The following KIF2C variants were observed in gnomAD, a reference collection of about 807,000 sequenced individuals.
KIF2C encodes the protein kinesin-like protein KIF2C.
Under a neutral mutation model 97.4 loss-of-function variants are expected in KIF2C, and 34 were observed. That is an observed-to-expected ratio of 0.35 (90% CI 0.27 to 0.46). KIF2C has a LOEUF of 0.46. KIF2C is among the 20% of genes least tolerant of loss of function. The probability of loss-of-function intolerance (pLI) is 1.00; values close to 1 mark genes in which losing one functional copy is unlikely to be tolerated. For synonymous variants in KIF2C, 313 were observed against 318.2 expected, an observed-to-expected ratio of 0.98 and a Z score of 0.17; for missense variants, 750 against 907.6, an observed-to-expected ratio of 0.83 and a Z score of 2.23.
In KIF2C at chr1:44,757,959, T is replaced by A. The variant is rs548446287; in HGVS notation, c.1120T>A (p.Tyr374Asn). The stretch of plus-strand genomic sequence containing the variant: ...AGCCCAGAATGCATCCAAAGGGATC[T>A]ATGCCATGGCCTGTAAGTACTGTGT... ...GKAQNASKGIYAMASRDVFLL... is the reference protein window; with the variant it reads ...GKAQNASKGINAMASRDVFLL... Residue 374 changes from tyrosine to asparagine, a missense_variant, in exon 12 of 21, where the codon TAT becomes AAT. By Grantham distance (143) the Tyr-to-Asn change is moderately radical. Coordinates refer to ENST00000372224, the MANE Select transcript of KIF2C (RefSeq NM_006845.4). 1.9e-6 allele frequency: 3 copies of A among 1,614,234 alleles called. No individual in the cohort carries two copies. The African/African-American group carries it at 4.0e-5, about 22-fold the overall frequency.
chr1:44,746,631 G>C, intron 2 of KIF2C: 2 of 1,499,574 alleles, frequency 1.3e-6, no homozygotes, highest in Non-Finnish European at 1.8e-6. Context: ...CAGCAGGGGA[G>C]CCAAGTGGCC....
chr1:44,752,593 TATCAAATTCAGCTCTAATACGATGAAGG>T (rs1241932635), intron 5 of KIF2C, among the ~76,000 whole-genome samples: 1 of 152,256 alleles, frequency 6.6e-6, no homozygotes, highest in Non-Finnish European at 1.5e-5. Context: ...ACTTTACATA[TATCAAATTCAGCTCTAATACGATGAAGG>T]TAAATGAATG....
At chr1:44,753,958 CTTTTTTTTTTTTTTT>C (rs34685023) in intron 7 of KIF2C, 125 bp downstream of exon 7, 16 of 67,918 alleles carry the variant, frequency 2.4e-4, no homozygotes, top group Middle Eastern at 5.3e-3. Context: ...GGCCCCAATT[CTTTTTTTTTTTTTTT>C]TTTTTTTTTT....
intron 4 of KIF2C, among the ~76,000 whole-genome samples, chr1:44,748,707 ATTTT>A (rs928683142): frequency 8.1e-6 from 1 of 123,132 alleles, no homozygotes. Context: ...CACCTGGCTA[ATTTT>A]TTTTTTTTTT....
chr1:44,740,784 T>TTG, intron 1 of KIF2C, 129 bp from the exon 2 acceptor site: 1 of 422,390 alleles, frequency 2.4e-6, no homozygotes, highest in South Asian at 3.0e-5. Context: ...TCTTAGTTTT[T>TTG]TTTTTTTTTT....
chr1:44,744,083 T>G (rs1252517236), intron 2 of KIF2C, among the ~76,000 whole-genome samples: 1 of 131,202 alleles, frequency 7.6e-6, no homozygotes, highest in African/African-American at 2.7e-5. Context: ...CTCTGGTTTT[T>G]TTTTTTGTTT....
Position 44,760,137 on chromosome 1 carries a change from G to A in KIF2C, c.1368-143G>A, listed in dbSNP as rs943955967. On this transcript the variant is annotated intron_variant, in intron 14 of 20. Coordinates refer to ENST00000372224, the MANE Select transcript of KIF2C (RefSeq NM_006845.4). This position sits in a 1 kb window ranked among gnomAD's most constrained non-coding sequence, Gnocchi z 4.2. ...GCTGGAGGGAGAATTGCTACCCAGG[G>A]AGGGCAAGATGGAAGCCTGGGACAG... The A allele has an allele frequency of 1.5e-6, 1 of 679,872 alleles. No homozygotes were observed. Among genetic ancestry groups the A allele is most frequent in the East Asian group, 2.7e-5 (1 of 37,258 alleles). 42.1% of individuals were successfully genotyped at this position (679,872 alleles called of 1,614,324 possible).
In KIF2C at chr1:44,760,510, G is replaced by T. The variant is rs1557599790; in HGVS notation, c.1572+26G>T. On this transcript the variant is annotated intron_variant, in intron 15 of 20. Transcript: ENST00000372224. The surrounding 1 kb of genome is among the most constrained non-coding windows in gnomAD (Gnocchi z 4.2). ...GTAGTGGGGCAGCTAGAGCTGGTTG[G>T]CCGGGAGAGCTACTGGGAAGGGATG... 3.7e-6 allele frequency: 6 copies of T among 1,612,868 alleles called. No homozygotes were observed. In the East Asian group the frequency reaches 1.3e-4, roughly 36 times the overall value.
chr1:44,760,987 C>T lies in KIF2C; in HGVS notation c.1683+285C>T, dbSNP rs975280601. The T allele has an allele frequency of 3.4e-5, 12 of 355,074 alleles. No homozygotes were observed. Among genetic ancestry groups the T allele is most frequent in the East Asian group, 6.0e-5 (1 of 16,544 alleles). 22.0% of individuals were successfully genotyped at this position (355,074 alleles called of 1,614,324 possible). On this transcript the variant is annotated intron_variant, in intron 16 of 20. Coordinates refer to ENST00000372224, the MANE Select transcript of KIF2C (RefSeq NM_006845.4). This position sits in a 1 kb window ranked among gnomAD's most constrained non-coding sequence, Gnocchi z 4.2. ...CTGATGAAAAGGGGGTTCCAGAATT[C>T]GGAAGATGGGCCTTTGGGTCAGCAG...
At chr1:44,750,355 T>C in intron 4 of KIF2C, 87 bp from the exon 5 acceptor site, 1 of 1,292,130 alleles carries the variant, frequency 7.7e-7, no homozygotes, top group Non-Finnish European at 9.9e-7. Flanking sequence ...TGGGACCTAT[T>C]TCACCTTGTA....
At chr1:44,763,501 T>C (rs530508420) in intron 19 of KIF2C, among the ~76,000 whole-genome samples, 4 of 152,058 alleles carry the variant, frequency 2.6e-5, no homozygotes, top group Non-Finnish European at 5.9e-5. Flanking sequence ...GAACAGGTGA[T>C]GGAGGGTAGT....
At chr1:44,754,331 T>C (rs1007778272) in intron 7 of KIF2C, among the ~76,000 whole-genome samples, 2 of 152,178 alleles carry the variant, frequency 1.3e-5, no homozygotes, top group African/African-American at 4.8e-5. Context: ...CATTTCATGC[T>C]GACTGTCTAG....
chr1:44,756,375 C>T (rs1409839003), intron 10 of KIF2C, 138 bp downstream of exon 10: 1 of 904,728 alleles, frequency 1.1e-6, no homozygotes, highest in African/African-American at 1.7e-5. Context: ...TGGGTCACAC[C>T]CTTTGGCAGC....
In KIF2C at chr1:44,747,423, T is replaced by C. The variant is rs968880449; in HGVS notation, c.205T>C (p.Leu69=). 3.7e-6 allele frequency: 6 copies of C among 1,611,118 alleles called. No individual in the cohort carries two copies. Among genetic ancestry groups the C allele is most frequent in the Non-Finnish European group, 5.1e-6 (6 of 1,179,340 alleles). The change falls in exon 3 of 21, where the codon TTA becomes CTA. Residue 69 remains leucine (L), a synonymous_variant. Transcript: ENST00000372224. ...TGTGGCTGCAATAAACCCAGAACTC[T>C]TACAGCTTCTTCCCTTACATCCGAA... ...DDVAAINPEL[L]QLLPLHPKDN... is the part of the protein sequence containing the mutation.
chr1:44,757,960 A>G lies in KIF2C; in HGVS notation c.1121A>G (p.Tyr374Cys). 2.5e-6 allele frequency: 4 copies of G among 1,614,198 alleles called. No homozygotes were observed. The highest frequency in any genetic ancestry group is 1.6e-4 in the Middle Eastern group (1 of 6,062). ...GKAQNASKGI[Y>C]AMASRDVFLL... ...GCCCAGAATGCATCCAAAGGGATCT[A>G]TGCCATGGCCTGTAAGTACTGTGTA... Residue 374 changes from tyrosine to cysteine, a missense_variant, in exon 12 of 21, where the codon TAT becomes TGT. Coordinates refer to ENST00000372224, the MANE Select transcript of KIF2C (RefSeq NM_006845.4).
At chr1:44,765,410 TAACA>T (rs1650399430) in intron 19 of KIF2C, among the ~76,000 whole-genome samples, 1 of 152,248 alleles carries the variant, frequency 6.6e-6, no homozygotes, top group Non-Finnish European at 1.5e-5. Context: ...TATACATATG[TAACA>T]AACCTGCACG....
chr1:44,765,264 AAAAT>A (rs1279685182), intron 19 of KIF2C, among the ~76,000 whole-genome samples: 2 of 152,092 alleles, frequency 1.3e-5, no homozygotes, highest in Non-Finnish European at 2.9e-5. Context: ...ACAAAAAATA[AAAAT>A]AAATAAATAT....
At chr1:44,756,655 C>T (rs894601572) in intron 10 of KIF2C, among the ~76,000 whole-genome samples, 11 of 149,868 alleles carry the variant, frequency 7.3e-5, no homozygotes, top group African/African-American at 2.5e-4. Flanking sequence ...CAGGTTCCAG[C>T]GATTCTCTTG....
rs1051402404 is a variant in KIF2C, at chr1:44,764,579, G to A, written c.1971+1921G>A. Among the ~76,000 whole-genome samples the A allele has an allele frequency of 9.2e-5, 14 of 151,472 alleles. No homozygotes were observed. The East Asian group carries it at 1.2e-3, about 13-fold the overall frequency. Reference sequence around the variant, plus strand: ...GGCTGGAGTGCAACGGCACCATCTCGGCTCACCACAACCTCCACCTCCCAG... The same window carrying A: ...GGCTGGAGTGCAACGGCACCATCTCAGCTCACCACAACCTCCACCTCCCAG... On this transcript the variant is annotated intron_variant, in intron 19 of 20. Coordinates refer to ENST00000372224, the MANE Select transcript of KIF2C (RefSeq NM_006845.4).
Sources: allele counts gnomAD v4.1 joint callset (sites outside exome capture counted in the v4.1 genomes callset), GRCh38; gene constraint gnomAD v4.1.1; non-coding constraint Gnocchi (gnomAD v3.1); transcripts MANE v1.5; gene names NCBI Gene and HGNC (gene_info 2026-07-23, HGNC 2026-07-21).